The following TNS1 variants were observed in gnomAD, a reference collection of about 807,000 sequenced individuals.
TNS1 encodes the protein tensin 1, also known as tensin-1.
Under a neutral mutation model 168.6 loss-of-function variants are expected in TNS1, and 62 were observed. That is an observed-to-expected ratio of 0.37 (90% CI 0.30 to 0.45). The LOEUF is 0.45. Among genes scored for constraint, TNS1 ranks in the 20% least tolerant of loss-of-function variants. The pLI is 1.00. For synonymous variants in TNS1, 934 were observed against 933.2 expected (o/e 1.00, Z -0.02); for missense variants, 2,240 against 2,339.4 (o/e 0.96, Z 0.88).
chr2:218,029,275 T>C (rs1287099200), intron 1 of TNS1, among the ~76,000 whole-genome samples: 2 of 151,136 alleles, frequency 1.3e-5, no homozygotes, highest in Admixed American at 6.6e-5. Flanking sequence ...AAGAGGATGC[T>C]AGAGAATCTT....
At chr2:217,830,820 CAGG>C (rs1325670123) in intron 22 of TNS1, among the ~76,000 whole-genome samples, 1 of 152,226 alleles carries the variant, frequency 6.6e-6, no homozygotes, top group African/African-American at 2.4e-5. Context: ...CTTTGACAGT[CAGG>C]AGAAGACCTG....
upstream of TNS1, among the ~76,000 whole-genome samples, chr2:218,014,499 C>T (rs1436123209): frequency 6.6e-6 from 1 of 152,170 alleles, no homozygotes; most frequent in Admixed American, 6.5e-5. Context: ...GAACTCACAC[C>T]CAGCCTCTCT....
intron 18 of TNS1, among the ~76,000 whole-genome samples, chr2:217,854,874 G>A (rs3828290): frequency 7.9e-5 from 12 of 152,222 alleles, no homozygotes; most frequent in African/African-American, 2.4e-4. Flanking sequence ...ACCCCACCTC[G>A]GCAGCCAGAC....
intron 3 of TNS1, among the ~76,000 whole-genome samples, chr2:217,945,810 AC>A (rs1957090683): frequency 1.3e-5 from 2 of 151,798 alleles, no homozygotes; most frequent in African/African-American, 4.8e-5. Context: ...CCTACCTGCC[AC>A]CCCCACTGCA....
chr2:217,999,239 T>C (rs1407541429), intron 1 of TNS1, among the ~76,000 whole-genome samples: 3 of 152,210 alleles, frequency 2.0e-5, no homozygotes, highest in Admixed American at 6.5e-5. Context: ...GAGTCTTGAC[T>C]CTGACTTGCT....
intron 15 of TNS1, 65 bp from the exon 16 acceptor site, chr2:217,885,229 C>T: frequency 2.5e-6 from 4 of 1,604,894 alleles, no homozygotes; most frequent in South Asian, 1.1e-5. Context: ...CCCAGGGAGC[C>T]TCCTTATCAG....
intron 3 of TNS1, among the ~76,000 whole-genome samples, chr2:217,928,028 G>A (rs560602287): frequency 1.6e-4 from 24 of 152,372 alleles, no homozygotes; most frequent in South Asian, 1.0e-3. Flanking sequence ...AACTCAGGAA[G>A]GCCCCAGACA....
At chr2:217,916,140 C>T (rs1030651312) in intron 4 of TNS1, among the ~76,000 whole-genome samples, 2 of 152,134 alleles carry the variant, frequency 1.3e-5, no homozygotes, top group African/African-American at 4.8e-5. Flanking sequence ...GAACGAAGCT[C>T]GGCAGATATG....
chr2:217,943,603 G>T (rs559511473), intron 3 of TNS1, among the ~76,000 whole-genome samples: 4 of 152,116 alleles, frequency 2.6e-5, no homozygotes, highest in African/African-American at 9.7e-5. Context: ...GGGACAAGCC[G>T]CACCCCAGAC....
At chr2:217,941,264 C>A (rs976181898) in intron 3 of TNS1, among the ~76,000 whole-genome samples, 1 of 152,226 alleles carries the variant, frequency 6.6e-6, no homozygotes, top group Non-Finnish European at 1.5e-5. Context: ...TGCACACCAG[C>A]CCCAGAGCCC....
intron 4 of TNS1, among the ~76,000 whole-genome samples, chr2:217,914,778 C>T (rs2125830890): frequency 6.6e-6 from 1 of 152,360 alleles, no homozygotes; most frequent in Non-Finnish European, 1.5e-5. Flanking sequence ...GCCACCGCAT[C>T]CAGCCTAAAT....
rs1430228868 is a variant in TNS1 at position 217,814,896 on chromosome 2, A to G, written c.4729+16T>C. ...CCAGCTATGGCCTCTGATGCACCAC[A>G]GAGCCCAGCACTCACCCTGCTCCCT... On this transcript the variant is annotated intron_variant, in intron 25 of 32. Transcript: ENST00000682258. 1 of 1,608,232 alleles carries G rather than the reference A, an allele frequency of 6.2e-7. No homozygotes were observed. Among genetic ancestry groups the G allele is most frequent in the Admixed American group, 1.7e-5 (1 of 59,674 alleles).
At chr2:217,873,066 CT>C (rs753386754) in intron 18 of TNS1, among the ~76,000 whole-genome samples, 8 of 152,092 alleles carry the variant, frequency 5.3e-5, no homozygotes, top group Non-Finnish European at 8.8e-5. Flanking sequence ...TATAAGATTT[CT>C]TTGGGTGGGG....
intron 19 of TNS1, among the ~76,000 whole-genome samples, chr2:217,845,277 C>T (rs1574772130): frequency 6.6e-6 from 1 of 152,186 alleles, no homozygotes. Context: ...TCCTAGGTTA[C>T]TCATGTCAAA....
In TNS1 at chr2:217,804,372, T is replaced by C; in HGVS notation, c.*87A>G. On this transcript the variant is annotated 3_prime_UTR_variant, in exon 33 of 33. Transcript: ENST00000682258. The stretch of plus-strand genomic sequence containing the variant: ...CTCCGAAATTGGCCCAAAGTCCTCC[T>C]TCTGGGTTCAAGAGTGGTCAGGATT... 6.5e-7 allele frequency: 1 copy of C among 1,529,480 alleles called. No homozygotes were observed. The highest frequency in any genetic ancestry group is 2.3e-5 in the East Asian group (1 of 43,276). 94.7% of individuals were successfully genotyped at this position (1,529,480 alleles called of 1,614,324 possible). A position where few individuals can be genotyped will look rare whatever the true frequency, so the allele number is the denominator to read the frequency against.
At chr2:217,947,182 A>G (rs962316632) in intron 3 of TNS1, among the ~76,000 whole-genome samples, 1 of 144,778 alleles carries the variant, frequency 6.9e-6, no homozygotes, top group South Asian at 2.5e-4. Flanking sequence ...ACCCCAATGC[A>G]GGATTGCACA....
At chr2:218,017,365 C>T (rs1446027522) in intron 1 of TNS1, among the ~76,000 whole-genome samples, 1 of 152,254 alleles carries the variant, frequency 6.6e-6, no homozygotes, top group Non-Finnish European at 1.5e-5. Flanking sequence ...GATGGAACAT[C>T]CCTTGGGCAG....
chr2:217,958,335 T>C (rs544481191), intron 3 of TNS1, among the ~76,000 whole-genome samples: 14 of 152,284 alleles, frequency 9.2e-5, no homozygotes, highest in African/African-American at 2.9e-4. Context: ...TGCCCCTTCA[T>C]GGGAAGCTGA....
At chr2:217,868,656 G>C (rs181290209) in intron 18 of TNS1, among the ~76,000 whole-genome samples, 159 of 152,308 alleles carry the variant, frequency 1.0e-3, no homozygotes, top group Non-Finnish European at 2.0e-3. Context: ...ACAGGTACTA[G>C]CCTTCTCCCC....
Sources: allele counts gnomAD v4.1 joint callset (sites outside exome capture counted in the v4.1 genomes callset), GRCh38; gene constraint gnomAD v4.1.1; transcripts MANE v1.5; gene names NCBI Gene and HGNC (gene_info 2026-07-23, HGNC 2026-07-21).